Variants in SALL4 observed in about 807,000 individuals in gnomAD.
SALL4 encodes the protein spalt like transcription factor 4, also known as sal-like protein 4.
SALL4 carries 4 observed loss-of-function variants against 60.8 expected under a neutral mutation model. The observed-to-expected ratio is 0.07, with a 90% CI of 0.03 to 0.15. The LOEUF is 0.15. SALL4 is among the 10% of genes least tolerant of loss of function. SALL4 has a pLI of 1.00. For synonymous variants in SALL4, 580 were observed against 574.9 expected (o/e 1.01, Z -0.13); for missense variants, 1,178 against 1,394.7 (o/e 0.84, Z 2.48).
chr20:51,788,360 A>G lies in SALL4; in HGVS notation c.2742+501T>C. ...GTGTGTGTGTGTGTGTGTGTGTGTA[A>G]AGACGTTGTCTCCCTATGTTGCCAG... On this transcript the variant is annotated intron_variant, in intron 3 of 3. Transcript: ENST00000217086. This position sits in a 1 kb window ranked among gnomAD's most constrained non-coding sequence, Gnocchi z 4.1. Among the ~76,000 whole-genome samples the G allele has an allele frequency of 7.3e-6, 1 of 137,288 alleles. No individual in the cohort carries two copies. Among genetic ancestry groups the G allele is most frequent in the Non-Finnish European group, 1.6e-5 (1 of 64,462 alleles). The allele number at this position is 137,288 out of a possible 152,430, so 90.1% of individuals were successfully genotyped here.
chr20:51,789,179 T>A, intron 2 of SALL4, 38 bp from the exon 3 acceptor site: 2 of 1,609,126 alleles, frequency 1.2e-6, no homozygotes, highest in Non-Finnish European at 1.7e-6. Flanking sequence ...ACCTTTATCA[T>A]CCAACCTTCA....
intron 1 of SALL4, among the ~76,000 whole-genome samples, chr20:51,793,922 CAG>C (rs2078064760): frequency 6.6e-6 from 1 of 152,120 alleles, no homozygotes; most frequent in African/African-American, 2.4e-5. Context: ...TCTGGCCTGC[CAG>C]AGTTAAGAAA....
Position 51,801,788 on chromosome 20 carries a change from C to CG in SALL4, c.130+490dup, listed in dbSNP as rs1038705173. Among the ~76,000 whole-genome samples, 3 of 151,926 alleles carry CG rather than the reference C, an allele frequency of 2.0e-5. No individual in the cohort carries two copies. The highest frequency in any genetic ancestry group is 2.0e-4 in the East Asian group (1 of 5,086). On this transcript the variant is annotated intron_variant, in intron 1 of 3. Transcript: ENST00000217086. This position sits in a 1 kb window ranked among gnomAD's most constrained non-coding sequence, Gnocchi z 5.2. ...GCGCGTGCAACAGATCGTCCTCCTC[C>CG]GGGGGGTCTTCCAGGGGTGCGCCCC... is the stretch of plus-strand genomic sequence containing the variant.
rs1453595645 is a variant in SALL4, at chr20:51,801,793, G to T, written c.130+486C>A. On this transcript the variant is annotated intron_variant, in intron 1 of 3. Transcript: ENST00000217086. This position sits in a 1 kb window ranked among gnomAD's most constrained non-coding sequence, Gnocchi z 5.2. ...TGCAACAGATCGTCCTCCTCCGGGG[G>T]GTCTTCCAGGGGTGCGCCCCTCCTC... Among the ~76,000 whole-genome samples, 1 of 151,900 alleles carries T rather than the reference G, an allele frequency of 6.6e-6. No homozygotes were observed. The highest frequency in any genetic ancestry group is 1.5e-5 in the Non-Finnish European group (1 of 67,958).
At chr20:51,799,782 T>G (rs1414996735) in intron 1 of SALL4, among the ~76,000 whole-genome samples, 1 of 152,210 alleles carries the variant, frequency 6.6e-6, no homozygotes, top group African/African-American at 2.4e-5. Flanking sequence ...AAAATGCTAA[T>G]TTTTCCTGTA....
Position 51,790,905 on chromosome 20 carries a change from T to G in SALL4, c.1578A>C (p.Pro526=). The G allele has an allele frequency of 6.2e-7, 1 of 1,614,114 alleles. No homozygotes were observed. The highest frequency in any genetic ancestry group is 1.6e-4 in the Middle Eastern group (1 of 6,062). The change falls in exon 2 of 4, where the codon CCA becomes CCC. Residue 526 remains proline, a synonymous_variant. Coordinates refer to ENST00000217086, the MANE Select transcript of SALL4 (RefSeq NM_020436.5). The surrounding 1 kb of genome is among the most constrained non-coding windows in gnomAD (Gnocchi z 5.5). ...CACCAGCCCTTGGGGAATTATAGTT[T>G]GGTCCCACCCCAGGGAGTGTGGGTC... The part of the protein sequence containing the change: ...EGGPTLPGVG[P]NYNSPRAGGF...
Position 51,802,411 on chromosome 20 carries a change from T to C in SALL4, c.-3A>G. The C allele has an allele frequency of 1.2e-6, 2 of 1,612,532 alleles. No homozygotes were observed. Among genetic ancestry groups the C allele is most frequent in the Non-Finnish European group, 8.5e-7 (1 of 1,179,910 alleles). On this transcript the variant is annotated 5_prime_UTR_variant, in exon 1 of 4. Transcript: ENST00000217086. Reference sequence around the variant, plus strand: ...TTCGCCTGCTTGCGCCTCGACATGGTGCGAGCATCGGGGCGCCGGGAGAGC... The same window carrying C: ...TTCGCCTGCTTGCGCCTCGACATGGCGCGAGCATCGGGGCGCCGGGAGAGC...
chr20:51,790,454 C>T lies in SALL4; in HGVS notation c.2029G>A (p.Gly677Ser), dbSNP rs1166047666. ...GSEPMTVGEN[G>S]STGAICHDDV... The stretch of plus-strand genomic sequence containing the variant: ...TCATGGCAGATAGCGCCGGTGCTGC[C>T]GTTCTCACCCACGGTCATTGGCTCA... Residue 677 changes from glycine to serine, a missense_variant, in exon 2 of 4, where the codon GGC becomes AGC. Transcript: ENST00000217086. This position sits in a 1 kb window ranked among gnomAD's most constrained non-coding sequence, Gnocchi z 5.5. 13 of 1,613,998 alleles carry T rather than the reference C, an allele frequency of 8.1e-6. No individual in the cohort carries two copies. Among genetic ancestry groups the T allele is most frequent in the East Asian group, 4.5e-5 (2 of 44,886 alleles).
intron 1 of SALL4, chr20:51,792,712 C>A (rs866174365): frequency 0.016 from 8,117 of 518,786 alleles, 230 homozygotes; most frequent in African/African-American, 0.074. Flanking sequence ...AAAAAAAAGG[C>A]AAAAAGGCTG....
intron 3 of SALL4, among the ~76,000 whole-genome samples, chr20:51,785,188 C>A (rs1208744413): frequency 6.6e-6 from 1 of 152,110 alleles, no homozygotes; most frequent in African/African-American, 2.4e-5. Flanking sequence ...GTAATCCCAG[C>A]TGCTCGCGAG....
chr20:51,798,845 AAAAAC>A (rs369396897), intron 1 of SALL4, among the ~76,000 whole-genome samples: 8,043 of 151,586 alleles, frequency 0.053, 262 homozygotes, highest in South Asian at 0.095. Context: ...AAAAACCAAT[AAAAAC>A]AAAACAAAAC....
intron 1 of SALL4, among the ~76,000 whole-genome samples, chr20:51,799,852 G>A (rs192768135): frequency 6.6e-6 from 1 of 152,126 alleles, no homozygotes; most frequent in Non-Finnish European, 1.5e-5. Flanking sequence ...ATCGCCAGAC[G>A]TCATTTTCCT....
intron 1 of SALL4, among the ~76,000 whole-genome samples, chr20:51,800,501 C>T (rs1179865328): frequency 6.6e-6 from 1 of 152,354 alleles, no homozygotes; most frequent in East Asian, 1.9e-4. Context: ...ATTTCAGAAG[C>T]CCTCTCGTAA....
chr20:51,791,348 G>A lies in SALL4; in HGVS notation c.1135C>T (p.Leu379Phe), dbSNP rs1240728797. 1.2e-6 allele frequency: 2 copies of A among 1,614,142 alleles called. No individual in the cohort carries two copies. The highest frequency in any genetic ancestry group is 1.7e-6 in the Non-Finnish European group (2 of 1,180,034). The change falls in exon 2 of 4, where the codon CTC becomes TTC. Residue 379 changes from leucine (L) to phenylalanine (F), a missense_variant. By Grantham distance (22) the Leu-to-Phe change is conservative (BLOSUM62 0). Transcript: ENST00000217086. This position sits in a 1 kb window ranked among gnomAD's most constrained non-coding sequence, Gnocchi z 4.6. ...VDVKPKDEAA[L>F]YKHKCKYCSK... ...CAGTACTTACACTTGTGCTTGTAGA[G>A]GGCCGCCTCGTCTTTGGGTTTGACA...
intron 3 of SALL4, among the ~76,000 whole-genome samples, chr20:51,787,291 G>T (rs574549747): frequency 1.1e-4 from 16 of 151,946 alleles, no homozygotes; most frequent in Admixed American, 3.9e-4. Flanking sequence ...GGGCATGATG[G>T]CGGGCGCCTG....
At chr20:51,792,414 C>T in intron 1 of SALL4, 62 bp from the exon 2 acceptor site, 2 of 1,577,306 alleles carry the variant, frequency 1.3e-6, no homozygotes, top group Admixed American at 1.7e-5. Context: ...GGGAGCCGGG[C>T]ACCGTCGCTC....
chr20:51,790,906 G>C lies in SALL4; in HGVS notation c.1577C>G (p.Pro526Arg). 1 of 1,614,090 alleles carries C rather than the reference G, an allele frequency of 6.2e-7. No individual in the cohort carries two copies. Among genetic ancestry groups the C allele is most frequent in the Non-Finnish European group, 8.5e-7 (1 of 1,180,034 alleles). ...EGGPTLPGVG[P>R]NYNSPRAGGF... ...ACCAGCCCTTGGGGAATTATAGTTT[G>C]GTCCCACCCCAGGGAGTGTGGGTCC... The change falls in exon 2 of 4, where the codon CCA becomes CGA. Residue 526 changes from proline (P) to arginine (R), a missense_variant. Around this residue, in one of 5 missense-constraint regions of SALL4, gnomAD observed 853 missense variants for 1,036.8 expected, o/e 0.82. Transcript: ENST00000217086. The surrounding 1 kb of genome is among the most constrained non-coding windows in gnomAD (Gnocchi z 5.5).
At chr20:51,802,217 C>A (rs1251171571) in intron 1 of SALL4, 62 bp downstream of exon 1, 20 of 1,523,182 alleles carry the variant, frequency 1.3e-5, no homozygotes, top group Non-Finnish European at 1.6e-5. Context: ...CCTGCGCCCT[C>A]GAGGATCCCG....
chr20:51,786,577 A>G (rs1008073834), intron 3 of SALL4, among the ~76,000 whole-genome samples: 6 of 152,284 alleles, frequency 3.9e-5, no homozygotes, highest in African/African-American at 1.4e-4. Context: ...AGGTAATAAA[A>G]CTGTAGAGTG....
Sources: allele counts gnomAD v4.1 joint callset (sites outside exome capture counted in the v4.1 genomes callset), GRCh38; gene constraint gnomAD v4.1.1; regional missense constraint gnomAD v4.1.1; non-coding constraint Gnocchi (gnomAD v3.1); transcripts MANE v1.5; gene names NCBI Gene and HGNC (gene_info 2026-07-23, HGNC 2026-07-21).